The following FOXP1 variants were observed in gnomAD, a reference collection of about 807,000 sequenced individuals.
The protein encoded by FOXP1 is forkhead box protein P1.
FOXP1 carries 15 observed loss-of-function variants against 98.2 expected under a neutral mutation model. The observed-to-expected ratio is 0.15, with a 90% confidence interval of 0.10 to 0.24. The LOEUF is 0.24. FOXP1 is among the 10% of genes least tolerant of loss of function. The pLI is 1.00. For synonymous variants in FOXP1, 371 were observed against 314.5 expected (o/e 1.18, Z -1.90); for missense variants, 633 against 848.5 (o/e 0.75, Z 3.15).
intron 11 of FOXP1, among the ~76,000 whole-genome samples, chr3:71,024,761 G>A (rs148800080): frequency 2.3e-4 from 35 of 152,296 alleles, no homozygotes; most frequent in African/African-American, 8.2e-4. Flanking sequence ...GGAGATTATT[G>A]TTATTATCTG....
At chr3:71,568,284 T>C (rs1459256626) in intron 2 of FOXP1, among the ~76,000 whole-genome samples, 5 of 152,224 alleles carry the variant, frequency 3.3e-5, no homozygotes, top group Admixed American at 2.6e-4. Flanking sequence ...GATTCAGCAA[T>C]AGAGTACACT....
chr3:70,967,566 G>C (rs2035074847), intron 19 of FOXP1, among the ~76,000 whole-genome samples: 2 of 151,656 alleles, frequency 1.3e-5, no homozygotes, highest in Admixed American at 6.6e-5. Flanking sequence ...CCTACAGTGT[G>C]TCAAATAATT....
At chr3:71,479,419 C>A (rs2090099954) in intron 3 of FOXP1, among the ~76,000 whole-genome samples, 1 of 152,138 alleles carries the variant, frequency 6.6e-6, no homozygotes, top group South Asian at 2.1e-4. Flanking sequence ...GTGGACACAT[C>A]AATAAAATAT....
intron 2 of FOXP1, among the ~76,000 whole-genome samples, chr3:71,498,479 A>G (rs1302895908): frequency 6.6e-6 from 1 of 152,226 alleles, no homozygotes; most frequent in Non-Finnish European, 1.5e-5. Flanking sequence ...ACTTGCCTGC[A>G]CAGCTGAGAG....
intron 7 of FOXP1, among the ~76,000 whole-genome samples, chr3:71,068,362 C>G (rs2052806139): frequency 6.6e-6 from 1 of 152,178 alleles, no homozygotes; most frequent in Non-Finnish European, 1.5e-5. Context: ...ACTGCCCATT[C>G]AGAGCTGAGA....
intron 6 of FOXP1, chr3:71,197,916 A>C: frequency 6.2e-7 from 1 of 1,614,214 alleles, no homozygotes; most frequent in South Asian, 1.1e-5. Flanking sequence ...AAAATGGGGA[A>C]GGGTTAGGCT....
chr3:71,112,643 A>G lies in FOXP1; in HGVS notation c.181-6T>C. The G allele has an allele frequency of 6.2e-7, 1 of 1,610,606 alleles. No individual in the cohort carries two copies. The highest frequency in any genetic ancestry group is 1.1e-5 in the South Asian group (1 of 91,010). The stretch of plus-strand genomic sequence containing the variant: ...TGTCTTGCCACCTGAAGTGCCTGGA[A>G]GGAAAAACAAGAAAATCCTTTGCGT... On this transcript the variant is annotated splice_region_variant and splice_polypyrimidine_tract_variant and intron_variant, in intron 6 of 20. Transcript: ENST00000649528.
At chr3:71,280,583 C>G (rs2071429939) in intron 5 of FOXP1, among the ~76,000 whole-genome samples, 1 of 152,024 alleles carries the variant, frequency 6.6e-6, no homozygotes, top group South Asian at 2.1e-4. Context: ...CTCGGCCTCC[C>G]AAAGTGCTGG....
chr3:71,105,827 A>T (rs1275567970), intron 7 of FOXP1, among the ~76,000 whole-genome samples: 1 of 152,170 alleles, frequency 6.6e-6, no homozygotes, highest in African/African-American at 2.4e-5. Flanking sequence ...TAGGGTAATT[A>T]TGCAGATCTG....
chr3:71,021,110 G>A (rs1576222923), intron 11 of FOXP1, among the ~76,000 whole-genome samples: 1 of 152,174 alleles, frequency 6.6e-6, no homozygotes, highest in East Asian at 1.9e-4. Context: ...AATATTCACG[G>A]AGTTGTGTAA....
intron 6 of FOXP1, among the ~76,000 whole-genome samples, chr3:71,176,385 C>A (rs2061938876): frequency 6.6e-6 from 1 of 152,162 alleles, no homozygotes. Context: ...TATTAATAAA[C>A]CCAGATTTCC....
chr3:71,193,218 G>A lies in FOXP1; in HGVS notation c.180+4984C>T, dbSNP rs571928809. On this transcript the variant is annotated intron_variant, in intron 6 of 20. Coordinates refer to ENST00000649528, the MANE Select transcript of FOXP1 (RefSeq NM_001349338.3). ...GCTGGAGTGCAGTGGTGGGATCTCGGCTCACTGCAAGCTCCGCCTCCCAGG... is the reference window on the plus strand; with the variant it reads ...GCTGGAGTGCAGTGGTGGGATCTCGACTCACTGCAAGCTCCGCCTCCCAGG... 2.9e-5 allele frequency among the ~76,000 whole-genome samples: 4 copies of A among 138,020 alleles called. 1 individual carries two copies. In the East Asian group the frequency reaches 8.7e-4, roughly 30 times the overall value. 90.5% of individuals were successfully genotyped at this position (138,020 alleles called of 152,430 possible). A position where few individuals can be genotyped will look rare whatever the true frequency, so the allele number is the denominator to read the frequency against.
chr3:71,060,464 C>A (rs2051322798), intron 7 of FOXP1, among the ~76,000 whole-genome samples: 1 of 152,034 alleles, frequency 6.6e-6, no homozygotes, highest in Non-Finnish European at 1.5e-5. Flanking sequence ...AAAATATGTT[C>A]AAAAATGCCT....
At chr3:71,421,842 T>G (rs1378054172) in intron 3 of FOXP1, among the ~76,000 whole-genome samples, 3 of 152,228 alleles carry the variant, frequency 2.0e-5, no homozygotes, top group Non-Finnish European at 4.4e-5. Flanking sequence ...CAGACCAGTG[T>G]TGGCCCTCCT....
chr3:71,431,315 A>C (rs1431303991), intron 3 of FOXP1, among the ~76,000 whole-genome samples: 1 of 152,178 alleles, frequency 6.6e-6, no homozygotes, highest in African/African-American at 2.4e-5. Flanking sequence ...TGCGAGAATA[A>C]GTGGCAATGT....
chr3:71,443,441 G>A (rs576140193), intron 3 of FOXP1, among the ~76,000 whole-genome samples: 15 of 152,238 alleles, frequency 9.9e-5, no homozygotes, highest in Non-Finnish European at 2.1e-4. Flanking sequence ...CACGTATTCC[G>A]CCTATCTAAC....
chr3:71,270,838 T>G (rs939049847), intron 5 of FOXP1, among the ~76,000 whole-genome samples: 1 of 152,162 alleles, frequency 6.6e-6, no homozygotes, highest in Non-Finnish European at 1.5e-5. Context: ...TATTCTAAAG[T>G]GACAAGGGGG....
At position 70,955,638 on chromosome 3, in the gene FOXP1, T is replaced by TA. The variant is rs533607618; in HGVS notation, c.*3608dup. On this transcript the variant is annotated 3_prime_UTR_variant, in exon 21 of 21. Transcript: ENST00000649528. ...CCATTGTTAATCACTACTTCACTGATAAACTTGGAAAAGTGTGACCCTGGA... is the reference window on the plus strand; with the variant it reads ...CCATTGTTAATCACTACTTCACTGATAAAACTTGGAAAAGTGTGACCCTGGA... 3.9e-3 allele frequency: 909 copies of TA among 233,496 alleles called. 5 individuals are homozygous for TA. Among genetic ancestry groups the TA allele is most frequent in the South Asian group, 0.016 (86 of 5,520 alleles). 14.5% of individuals were successfully genotyped at this position (233,496 alleles called of 1,614,324 possible). A position where few individuals can be genotyped will look rare whatever the true frequency, so the allele number is the denominator to read the frequency against.
intron 4 of FOXP1, among the ~76,000 whole-genome samples, chr3:71,347,043 T>C (rs1311921981): frequency 1.3e-5 from 2 of 152,070 alleles, no homozygotes; most frequent in African/African-American, 4.8e-5. Flanking sequence ...TCAAAAAAAT[T>C]AATGTTCTAA....
Sources: gnomAD v4.1 joint callset for allele counts (sites outside exome capture counted in the v4.1 genomes callset) on GRCh38, gnomAD v4.1.1 for gene constraint, MANE v1.5 for transcripts, NCBI Gene and HGNC (gene_info 2026-07-23, HGNC 2026-07-21) for gene names.